PRKN: variants seen among roughly 807,000 people sequenced by gnomAD.
PRKN encodes E3 ubiquitin-protein ligase parkin.
Under a neutral mutation model 59.5 loss-of-function variants are expected in PRKN, and 56 were observed. The observed-to-expected ratio is 0.94, with a 90% CI of 0.76 to 1.18. The LOEUF is 1.18. Ranked by LOEUF, PRKN falls within the 50% of genes most tolerant of loss-of-function variation. PRKN has a pLI of 0.00. For synonymous variants in PRKN, 250 were observed against 222.1 expected, an observed-to-expected ratio of 1.13 and a Z score of -1.12; for missense variants, 657 against 596.4, an observed-to-expected ratio of 1.10 and a Z score of -1.06.
At chr6:162,137,381 C>A (rs1242575532) in intron 4 of PRKN, among the ~76,000 whole-genome samples, 1 of 152,138 alleles carries the variant, frequency 6.6e-6, no homozygotes, top group South Asian at 2.1e-4. Flanking sequence ...GTAGAGATTA[C>A]AGGAAGCAGG....
rs1283433511 is a variant in PRKN at position 161,413,182 on chromosome 6, C to T, written c.1084-26305G>A. On this transcript the variant is annotated intron_variant, in intron 9 of 11. Transcript: ENST00000366898. This position sits in a 1 kb window ranked among gnomAD's most constrained non-coding sequence, Gnocchi z 4.4. ...GGGCGGAGGAATGTGCATTTAGGGT[C>T]GTGGGACCCCTTCCCATTTATTTGT... Among the ~76,000 whole-genome samples the T allele has an allele frequency of 3.9e-5, 6 of 152,160 alleles. No homozygotes were observed. The highest frequency in any genetic ancestry group is 3.9e-4 in the Admixed American group (6 of 15,280).
chr6:161,748,059 C>G (rs530787021), intron 7 of PRKN, among the ~76,000 whole-genome samples: 1 of 152,276 alleles, frequency 6.6e-6, no homozygotes, highest in African/African-American at 2.4e-5. Context: ...CTAGGCATAA[C>G]CCAGCATTAG....
chr6:162,451,807 C>G (rs1182728836), intron 1 of PRKN, among the ~76,000 whole-genome samples: 1 of 151,782 alleles, frequency 6.6e-6, no homozygotes, highest in African/African-American at 2.4e-5. Context: ...AAGAATGGGG[C>G]AGAAAAATTT....
rs542758426 is a variant in PRKN at position 161,413,183 on chromosome 6, G to A, written c.1084-26306C>T. Among the ~76,000 whole-genome samples the A allele has an allele frequency of 6.6e-5, 10 of 152,136 alleles. No individual in the cohort carries two copies. The highest frequency in any genetic ancestry group is 9.7e-5 in the African/African-American group (4 of 41,428). ...GGCGGAGGAATGTGCATTTAGGGTC[G>A]TGGGACCCCTTCCCATTTATTTGTG... On this transcript the variant is annotated intron_variant, in intron 9 of 11. Transcript: ENST00000366898. This position sits in a 1 kb window ranked among gnomAD's most constrained non-coding sequence, Gnocchi z 4.4.
chr6:161,965,752 G>A (rs941744219), intron 6 of PRKN, among the ~76,000 whole-genome samples: 3 of 151,978 alleles, frequency 2.0e-5, no homozygotes, highest in African/African-American at 7.3e-5. Flanking sequence ...CCAGCCTATA[G>A]GTAAATTTAA....
In PRKN at chr6:161,750,120, C is replaced by T. The variant is rs9456706; in HGVS notation, c.871+35652G>A. On this transcript the variant is annotated intron_variant, in intron 7 of 11. Transcript: ENST00000366898. Reference sequence around the variant, plus strand: ...GGACATATATATATATATATATATACACACACACACACACACACACACATA... The same window carrying T: ...GGACATATATATATATATATATATATACACACACACACACACACACACATA... Among the ~76,000 whole-genome samples, 861 of 107,374 alleles carry T rather than the reference C, an allele frequency of 8.0e-3. 2 individuals carry two copies. Among genetic ancestry groups the T allele is most frequent in the Middle Eastern group, 0.011 (2 of 190 alleles). 70.4% of individuals were successfully genotyped at this position (107,374 alleles called of 152,430 possible).
At chr6:162,334,592 G>C (rs1182285694) in intron 2 of PRKN, among the ~76,000 whole-genome samples, 1 of 152,152 alleles carries the variant, frequency 6.6e-6, no homozygotes, top group Non-Finnish European at 1.5e-5. Flanking sequence ...TACACAAGGA[G>C]ATTAATTTTG....
chr6:161,548,956 C>T lies in PRKN; in HGVS notation c.981G>A (p.Met327Ile). ...CAGGGCGGGGGCATAACACGCCCCC[C>T]ATCTGCAGGACACACTCCTCTGCAC... is the stretch of plus-strand genomic sequence containing the variant. Reference protein sequence around the residue: ...QYGAEECVLQMGGVLCPRPGC... With the variant: ...QYGAEECVLQIGGVLCPRPGC... Residue 327 changes from methionine to isoleucine, a missense_variant, in exon 9 of 12, where the codon ATG becomes ATA. Physicochemically the swap from Met to Ile is conservative, Grantham distance 10 (BLOSUM62 1). Coordinates refer to ENST00000366898, the MANE Select transcript of PRKN (RefSeq NM_004562.3). The surrounding 1 kb of genome is among the most constrained non-coding windows in gnomAD (Gnocchi z 4.2). 6.2e-7 allele frequency: 1 copy of T among 1,614,090 alleles called. No individual in the cohort carries two copies. Among genetic ancestry groups the T allele is most frequent in the Non-Finnish European group, 8.5e-7 (1 of 1,179,952 alleles).
intron 1 of PRKN, among the ~76,000 whole-genome samples, chr6:162,459,683 A>T (rs1473938664): frequency 1.3e-5 from 2 of 152,210 alleles, no homozygotes; most frequent in Non-Finnish European, 2.9e-5. Flanking sequence ...TGTTATAAGT[A>T]TGAAATGTCT....
At chr6:162,344,651 A>G (rs1200287747) in intron 2 of PRKN, among the ~76,000 whole-genome samples, 1 of 151,472 alleles carries the variant, frequency 6.6e-6, no homozygotes, top group Admixed American at 6.6e-5. Context: ...ATACTCAGAT[A>G]TATTTCGCCC....
chr6:161,878,443 T>C (rs2128228860), intron 6 of PRKN, among the ~76,000 whole-genome samples: 1 of 152,288 alleles, frequency 6.6e-6, no homozygotes, highest in African/African-American at 2.4e-5. Context: ...ACTGTCCTGA[T>C]TTTCAACACT....
chr6:161,701,522 A>AT (rs1369520181), intron 7 of PRKN, among the ~76,000 whole-genome samples: 11 of 152,192 alleles, frequency 7.2e-5, no homozygotes, highest in Non-Finnish European at 1.0e-4. Context: ...TAAGAAATGG[A>AT]TTTTTCAGTT....
At chr6:162,020,332 C>CAAAAAAAAAAAAAAAAAAAAGAAAAAA (rs1783090173) in intron 5 of PRKN, among the ~76,000 whole-genome samples, 1 of 45,446 alleles carries the variant, frequency 2.2e-5, no homozygotes. Flanking sequence ...ACCAATGAAT[C>CAAAAAAAAAAAAAAAAAAAAGAAAAAA]AAAAAAAAAA....
rs541553507 is a variant in PRKN at position 161,379,829 on chromosome 6, C to A, written c.1167+6965G>T. 6.6e-6 allele frequency among the ~76,000 whole-genome samples: 1 copy of A among 152,258 alleles called. No individual in the cohort carries two copies. Among genetic ancestry groups the A allele is most frequent in the Non-Finnish European group, 1.5e-5 (1 of 68,048 alleles). On this transcript the variant is annotated intron_variant, in intron 10 of 11. Transcript: ENST00000366898. The surrounding 1 kb of genome is among the most constrained non-coding windows in gnomAD (Gnocchi z 4.9). ...ATTCCCCACAGCATCCTCCAGTACACAGTCTGCACTCGAATCTCAAGCAGC... is the reference window on the plus strand; with the variant it reads ...ATTCCCCACAGCATCCTCCAGTACAAAGTCTGCACTCGAATCTCAAGCAGC...
intron 10 of PRKN, among the ~76,000 whole-genome samples, chr6:161,380,199 C>T (rs192862288): frequency 1.6e-4 from 25 of 152,310 alleles, no homozygotes; most frequent in African/African-American, 5.3e-4. Flanking sequence ...CCTTCCCTGC[C>T]TGAAGAGCTC....
At chr6:161,945,192 G>C (rs1457024026) in intron 6 of PRKN, among the ~76,000 whole-genome samples, 2 of 152,038 alleles carry the variant, frequency 1.3e-5, no homozygotes, top group Non-Finnish European at 2.9e-5. Context: ...TTCAAAATAA[G>C]CATCAGAAAT....
intron 5 of PRKN, among the ~76,000 whole-genome samples, chr6:161,982,066 T>C (rs1050462277): frequency 6.6e-6 from 1 of 152,150 alleles, no homozygotes; most frequent in Non-Finnish European, 1.5e-5. Flanking sequence ...ACAACCCACA[T>C]CCGCCCCTTC....
chr6:162,215,373 C>G, intron 3 of PRKN, among the ~76,000 whole-genome samples: 1 of 152,156 alleles, frequency 6.6e-6, no homozygotes, highest in East Asian at 1.9e-4. Context: ...TCACAATCAA[C>G]TGGCCTTAAA....
chr6:161,911,509 C>T (rs895349431), intron 6 of PRKN, among the ~76,000 whole-genome samples: 24 of 152,150 alleles, frequency 1.6e-4, no homozygotes, highest in Admixed American at 1.2e-3. Context: ...TTCAACTCTT[C>T]GGAAAGCCAC....
Sources: gnomAD v4.1 joint callset for allele counts (sites outside exome capture counted in the v4.1 genomes callset) on GRCh38, gnomAD v4.1.1 for gene constraint, Gnocchi (gnomAD v3.1) non-coding constraint, MANE v1.5 for transcripts, NCBI Gene and HGNC (gene_info 2026-07-23, HGNC 2026-07-21) for gene names.